Variants in ASXL1 observed in about 807,000 individuals in gnomAD.
ASXL1 encodes the protein polycomb group protein ASXL1.
A neutral mutation model predicts 89.1 loss-of-function variants in ASXL1; 65 were observed. The observed-to-expected ratio is 0.73, with a 90% CI of 0.60 to 0.90. ASXL1 has a LOEUF of 0.90. ASXL1 is among the 40% of genes least tolerant of loss of function. The probability of loss-of-function intolerance (pLI) is 0.00; values close to 1 mark genes in which losing one functional copy is unlikely to be tolerated. For synonymous variants in ASXL1, 739 were observed against 746.9 expected (o/e 0.99, Z 0.17); for missense variants, 1,786 against 1,942.9 (o/e 0.92, Z 1.52).
intron 4 of ASXL1, among the ~76,000 whole-genome samples, chr20:32,405,307 G>A (rs1353749656): frequency 6.6e-6 from 1 of 151,832 alleles, no homozygotes; most frequent in East Asian, 1.9e-4. Context: ...TGAACTTCTG[G>A]GCTCAAGCGA....
intron 8 of ASXL1, 52 bp downstream of exon 8, chr20:32,430,105 C>T (rs2123226909): frequency 6.4e-7 from 1 of 1,571,800 alleles, no homozygotes; most frequent in Non-Finnish European, 8.6e-7. Context: ...CCCTGCAGGC[C>T]TAGTGAGAAG....
intron 4 of ASXL1, among the ~76,000 whole-genome samples, chr20:32,385,727 G>A (rs977511060): frequency 3.3e-5 from 5 of 151,530 alleles, no homozygotes; most frequent in Non-Finnish European, 7.4e-5. Flanking sequence ...CTTTCACTTC[G>A]CCCCCTTACG....
At chr20:32,409,224 TG>T in intron 4 of ASXL1, among the ~76,000 whole-genome samples, 1 of 151,910 alleles carries the variant, frequency 6.6e-6, no homozygotes, top group South Asian at 2.1e-4. Flanking sequence ...CTACCTGCCT[TG>T]GCCTTCCAAA....
At position 32,437,075 on chromosome 20, in the gene ASXL1, A is replaced by T. The variant is rs1300193320; in HGVS notation, c.4363A>T (p.Asn1455Tyr). The change falls in exon 13 of 13, where the codon AAT becomes TAT. Residue 1455 changes from asparagine to tyrosine, a missense_variant. Around this residue, in one of 3 missense-constraint regions of ASXL1, gnomAD observed 1,418 missense variants for 1,427.8 expected, o/e 0.99. Coordinates refer to ENST00000375687, the MANE Select transcript of ASXL1 (RefSeq NM_015338.6). Reference protein sequence around the residue: ...SKLQLSSTSFNYSSSSPTFPK... With the variant: ...SKLQLSSTSFYYSSSSPTFPK... ...ACTCCAACTGAGTTCCACCAGCTTT[A>T]ATTATTCCTCTAGCTCTCCCACCTT... The T allele has an allele frequency of 6.2e-7, 1 of 1,614,180 alleles. No individual in the cohort carries two copies. Among genetic ancestry groups the T allele is most frequent in the Non-Finnish European group, 8.5e-7 (1 of 1,180,038 alleles).
At chr20:32,399,242 GT>G (rs933021859) in intron 4 of ASXL1, among the ~76,000 whole-genome samples, 2 of 150,934 alleles carry the variant, frequency 1.3e-5, no homozygotes, top group Admixed American at 6.6e-5. Context: ...TAGTTGACAG[GT>G]TTTTTTTTCT....
intron 4 of ASXL1, among the ~76,000 whole-genome samples, chr20:32,397,807 G>C (rs1003836114): frequency 3.9e-5 from 6 of 152,220 alleles, no homozygotes; most frequent in Non-Finnish European, 7.3e-5. Context: ...GCGACCTGCT[G>C]GCCGCAGGTT....
Position 32,438,667 on chromosome 20 carries a change from C to T in ASXL1, c.*1329C>T, listed in dbSNP as rs1264293804. 2 of 233,564 alleles carry T rather than the reference C, an allele frequency of 8.6e-6. No individual in the cohort carries two copies. Among genetic ancestry groups the T allele is most frequent in the Non-Finnish European group, 1.7e-5 (2 of 118,034 alleles). The allele number at this position is 233,564 out of a possible 1,614,324, so 14.5% of individuals were successfully genotyped here. A position where few individuals can be genotyped will look rare whatever the true frequency, so the allele number is the denominator to read the frequency against. ...TCACCACCACCAGTGTTAAGTGCTT[C>T]TGGATTCATGGGTGAGTTCCCTGGG... On this transcript the variant is annotated 3_prime_UTR_variant, in exon 13 of 13. Transcript: ENST00000375687.
rs939919300 is a variant in ASXL1, at chr20:32,429,110, G to A, written c.472-228G>A. ...GAGACTTGGGGAAAATTCCTTACCT[G>A]TAAAATGGGGATAACAGTACATTTT... is the stretch of plus-strand genomic sequence containing the variant. On this transcript the variant is annotated intron_variant, in intron 6 of 12. Coordinates refer to ENST00000375687, the MANE Select transcript of ASXL1 (RefSeq NM_015338.6). The surrounding 1 kb of genome is among the most constrained non-coding windows in gnomAD (Gnocchi z 4.9). 1.6e-5 allele frequency: 9 copies of A among 548,850 alleles called. No homozygotes were observed. Among genetic ancestry groups the A allele is most frequent in the African/African-American group, 9.5e-5 (5 of 52,790 alleles). The allele number at this position is 548,850 out of a possible 1,614,324, so 34.0% of individuals were successfully genotyped here. A position where few individuals can be genotyped will look rare whatever the true frequency, so the allele number is the denominator to read the frequency against.
At chr20:32,423,541 T>TTTTATTTATTTA (rs1343348542) in intron 4 of ASXL1, among the ~76,000 whole-genome samples, 4 of 151,254 alleles carry the variant, frequency 2.6e-5, no homozygotes, top group African/African-American at 9.7e-5. Flanking sequence ...ACCCAGCATT[T>TTTTATTTATTTA]TTTATTTATT....
chr20:32,418,809 CTTTTTTTTTTTTTTTTTTTTTT>C (rs71338437), intron 4 of ASXL1, among the ~76,000 whole-genome samples: 27 of 55,748 alleles, frequency 4.8e-4, no homozygotes, highest in South Asian at 2.6e-3. Flanking sequence ...GAATTGACAT[CTTTTTTTTTTTTTTTTTTTTTT>C]TTTTTTTTTT....
At chr20:32,400,167 T>A in intron 4 of ASXL1, among the ~76,000 whole-genome samples, 1 of 152,194 alleles carries the variant, frequency 6.6e-6, no homozygotes, top group Non-Finnish European at 1.5e-5. Flanking sequence ...ATAACTCTTA[T>A]AATGTCCTTG....
chr20:32,384,486 G>A (rs1380811026), intron 4 of ASXL1, among the ~76,000 whole-genome samples: 4 of 152,076 alleles, frequency 2.6e-5, no homozygotes, highest in African/African-American at 7.2e-5. Context: ...GTGAGCCACC[G>A]TGCCCGGCCA....
Position 32,435,392 on chromosome 20 carries a change from A to T in ASXL1, c.2680A>T (p.Ser894Cys), listed in dbSNP as rs2145371387. 1 of 1,614,204 alleles carries T rather than the reference A, an allele frequency of 6.2e-7. No homozygotes were observed. Among genetic ancestry groups the T allele is most frequent in the Non-Finnish European group, 8.5e-7 (1 of 1,180,034 alleles). ...NLKTKALVSNSSLHWIPIPSN... is the reference protein window; with the variant it reads ...NLKTKALVSNCSLHWIPIPSN... ...GAAAACCAAGGCTCTCGTTTCTAAC[A>T]GTTCTTTGCATTGGATACCCATCCC... The change falls in exon 13 of 13, where the codon AGT becomes TGT. Residue 894 changes from serine to cysteine, a missense_variant. This residue lies in a region of ASXL1 where 1,418 missense variants were observed against 1,427.8 expected (regional missense o/e 0.99). Transcript: ENST00000375687.
At chr20:32,407,615 C>T (rs2048977924) in intron 4 of ASXL1, among the ~76,000 whole-genome samples, 1 of 152,078 alleles carries the variant, frequency 6.6e-6, no homozygotes, top group Non-Finnish European at 1.5e-5. Flanking sequence ...AGACACGTGC[C>T]ACCACTCCTG....
At chr20:32,418,071 G>T (rs1304037670) in intron 4 of ASXL1, among the ~76,000 whole-genome samples, 1 of 152,060 alleles carries the variant, frequency 6.6e-6, no homozygotes, top group Non-Finnish European at 1.5e-5. Flanking sequence ...CCAGCTACTT[G>T]GGAGGCTGAG....
At chr20:32,417,459 A>G (rs538100229) in intron 4 of ASXL1, among the ~76,000 whole-genome samples, 25 of 152,170 alleles carry the variant, frequency 1.6e-4, no homozygotes, top group Non-Finnish European at 3.4e-4. Context: ...TTTCGTTGAC[A>G]TCTATAATAT....
chr20:32,417,679 G>A (rs898020544), intron 4 of ASXL1, among the ~76,000 whole-genome samples: 2 of 151,978 alleles, frequency 1.3e-5, no homozygotes, highest in African/African-American at 2.4e-5. Context: ...TTTTGACTTT[G>A]GATCTTTAAA....
intron 8 of ASXL1, 21 bp downstream of exon 8, chr20:32,430,074 T>C: frequency 6.2e-7 from 1 of 1,600,150 alleles, no homozygotes; most frequent in Non-Finnish European, 8.5e-7. Flanking sequence ...TGGCACTTAT[T>C]TCTCTGCCTG....
chr20:32,397,930 G>T (rs1440690545), intron 4 of ASXL1, among the ~76,000 whole-genome samples: 2 of 152,182 alleles, frequency 1.3e-5, no homozygotes, highest in African/African-American at 2.4e-5. Flanking sequence ...TTCTGTTACA[G>T]TACACGGTCA....
Sources: gnomAD v4.1 joint callset for allele counts (sites outside exome capture counted in the v4.1 genomes callset) on GRCh38, gnomAD v4.1.1 for gene constraint, gnomAD v4.1.1 regional missense constraint, Gnocchi (gnomAD v3.1) non-coding constraint, MANE v1.5 for transcripts, NCBI Gene and HGNC (gene_info 2026-07-23, HGNC 2026-07-21) for gene names.